PAQR5: variants seen among roughly 807,000 people sequenced by gnomAD.
PAQR5 encodes the protein progestin and adipoQ receptor family member 5.
A neutral mutation model predicts 34.5 loss-of-function variants in PAQR5; 20 were observed. The observed-to-expected ratio is 0.58, with a 90% CI of 0.41 to 0.84. PAQR5 has a LOEUF of 0.84. Ranked by LOEUF, PAQR5 falls within the 40% of genes least tolerant of loss-of-function variation. The pLI is 0.00. For missense variants in PAQR5, 378 were observed against 412.7 expected, an observed-to-expected ratio of 0.92 and a Z score of 0.73; for synonymous variants, 131 against 155.6, an observed-to-expected ratio of 0.84 and a Z score of 1.18.
chr15:69,381,003 G>C (rs2055870271), intron 4 of PAQR5, among the ~76,000 whole-genome samples: 1 of 152,214 alleles, frequency 6.6e-6, no homozygotes, highest in African/African-American at 2.4e-5. Flanking sequence ...GGGGCAGGCT[G>C]TTTGGTTCCA....
intron 8 of PAQR5, among the ~76,000 whole-genome samples, chr15:69,403,291 T>C (rs2056691782): frequency 6.6e-6 from 1 of 152,232 alleles, no homozygotes. Flanking sequence ...ATGTCAAGTA[T>C]ACAATTTAAT....
At chr15:69,386,882 T>C (rs1051285904) in intron 5 of PAQR5, among the ~76,000 whole-genome samples, 2 of 152,158 alleles carry the variant, frequency 1.3e-5, no homozygotes, top group African/African-American at 2.4e-5. Flanking sequence ...TAGCCCTCTG[T>C]ATGTCCAACC....
chr15:69,371,746 T>C (rs2055568928), intron 3 of PAQR5, among the ~76,000 whole-genome samples: 1 of 152,202 alleles, frequency 6.6e-6, no homozygotes, highest in Non-Finnish European at 1.5e-5. Flanking sequence ...AAAAGTCCTA[T>C]ACATATTTAA....
At chr15:69,376,254 C>T (rs925170476) in intron 3 of PAQR5, among the ~76,000 whole-genome samples, 1 of 152,172 alleles carries the variant, frequency 6.6e-6, no homozygotes, top group African/African-American at 2.4e-5. Flanking sequence ...TGAGGCCAAG[C>T]TACGAAGTGT....
At chr15:69,395,574 C>G (rs1248485244) in intron 6 of PAQR5, among the ~76,000 whole-genome samples, 2 of 152,200 alleles carry the variant, frequency 1.3e-5, no homozygotes, top group Non-Finnish European at 2.9e-5. Context: ...TTCATCAAAT[C>G]CATACAACGA....
At chr15:69,396,154 C>T (rs1158778096) in intron 6 of PAQR5, among the ~76,000 whole-genome samples, 1 of 150,982 alleles carries the variant, frequency 6.6e-6, no homozygotes, top group Non-Finnish European at 1.5e-5. Flanking sequence ...TCCCTGCATA[C>T]TCCATGCTGA....
chr15:69,321,573 G>A (rs554282615), intron 1 of PAQR5, among the ~76,000 whole-genome samples: 1 of 152,304 alleles, frequency 6.6e-6, no homozygotes, highest in South Asian at 2.1e-4. Flanking sequence ...CATTTTCCCA[G>A]TTGTCTCCTA....
At chr15:69,343,762 C>G (rs895539823) in intron 2 of PAQR5, among the ~76,000 whole-genome samples, 11 of 152,132 alleles carry the variant, frequency 7.2e-5, no homozygotes, top group African/African-American at 2.7e-4. Flanking sequence ...GGCATGACTT[C>G]CAGCTGATAG....
intron 7 of PAQR5, among the ~76,000 whole-genome samples, chr15:69,399,000 A>T (rs1214607485): frequency 2.0e-5 from 3 of 152,214 alleles, no homozygotes; most frequent in Non-Finnish European, 4.4e-5. Context: ...CTGCCTTATG[A>T]TAATTGTGGC....
In PAQR5 at chr15:69,346,323, T is replaced by TTTTG. The variant is rs1397842208; in HGVS notation, c.-116+8822_-116+8823insTTTG. Reference sequence around the variant, plus strand: ...TTTTTTTTTTTTTTTTTTTTTTTTTTGCGACAGGGTCTCACTCTTTCACTC... The same window carrying TTTTG: ...TTTTTTTTTTTTTTTTTTTTTTTTTTTTTGGCGACAGGGTCTCACTCTTTCACTC... On this transcript the variant is annotated intron_variant, in intron 2 of 8. Transcript: ENST00000395407. Among the ~76,000 whole-genome samples the TTTTG allele has an allele frequency of 1.1e-4, 16 of 146,204 alleles. 1 individual carries two copies. The highest frequency in any genetic ancestry group is 1.5e-4 in the African/African-American group (6 of 39,402).
intron 2 of PAQR5, among the ~76,000 whole-genome samples, chr15:69,342,832 ACT>A (rs1463860235): frequency 1.3e-5 from 2 of 151,954 alleles, no homozygotes; most frequent in Non-Finnish European, 2.9e-5. Flanking sequence ...TTCACCTCTC[ACT>A]CTCTGTTCTT....
chr15:69,383,265 G>T (rs1458994891), intron 4 of PAQR5, among the ~76,000 whole-genome samples: 1 of 149,100 alleles, frequency 6.7e-6, no homozygotes, highest in Non-Finnish European at 1.5e-5. Flanking sequence ...TGGAGGGTGA[G>T]CGGCCCTGCG....
chr15:69,316,430 C>T (rs930324750), intron 1 of PAQR5, among the ~76,000 whole-genome samples: 7 of 152,194 alleles, frequency 4.6e-5, no homozygotes, highest in African/African-American at 1.7e-4. Context: ...AAAAAAAAGC[C>T]TGTGCTTAAT....
Position 69,390,348 on chromosome 15 carries a change from A to ATTTTTTTTT in PAQR5, c.512+571_512+572insTTTTTTTTT, listed in dbSNP as rs67519047. On this transcript the variant is annotated intron_variant, in intron 6 of 8. Transcript: ENST00000395407. ...TATTTATTTATTTATTTATTTATTT[A>ATTTTTTTTT]TTTATTTATTTATTTTTTTGAGACA... 7.2e-5 allele frequency among the ~76,000 whole-genome samples: 9 copies of ATTTTTTTTT among 124,814 alleles called. 1 individual carries two copies. Among genetic ancestry groups the ATTTTTTTTT allele is most frequent in the Non-Finnish European group, 1.2e-4 (7 of 57,080 alleles). 81.9% of individuals were successfully genotyped at this position (124,814 alleles called of 152,430 possible). A position where few individuals can be genotyped will look rare whatever the true frequency, so the allele number is the denominator to read the frequency against.
At chr15:69,368,823 T>C (rs980387032) in intron 3 of PAQR5, among the ~76,000 whole-genome samples, 2 of 152,194 alleles carry the variant, frequency 1.3e-5, no homozygotes, top group South Asian at 4.1e-4. Flanking sequence ...TGGAGTGTCA[T>C]GGTGCAGTCA....
At chr15:69,323,047 G>A (rs2054164892) in intron 1 of PAQR5, among the ~76,000 whole-genome samples, 1 of 139,546 alleles carries the variant, frequency 7.2e-6, no homozygotes, top group Non-Finnish European at 1.5e-5. Flanking sequence ...TAAGGAGTGG[G>A]GTTTTCCAGG....
chr15:69,323,636 T>A (rs79424771), intron 1 of PAQR5, among the ~76,000 whole-genome samples: 1 of 152,302 alleles, frequency 6.6e-6, no homozygotes, highest in East Asian at 1.9e-4. Context: ...TCTAATAGCG[T>A]TGCGTTAAAT....
chr15:69,352,886 C>T (rs2054959781), intron 2 of PAQR5, among the ~76,000 whole-genome samples: 1 of 152,210 alleles, frequency 6.6e-6, no homozygotes, highest in Non-Finnish European at 1.5e-5. Flanking sequence ...ATGGACCTCT[C>T]TGATTGGGCA....
At chr15:69,313,810 G>A (rs911074340) in intron 1 of PAQR5, among the ~76,000 whole-genome samples, 4 of 152,120 alleles carry the variant, frequency 2.6e-5, no homozygotes, top group Non-Finnish European at 4.4e-5. Context: ...AAGAAGGAAA[G>A]GGACAGGAGG....
Sources: gnomAD v4.1 joint callset for allele counts (sites outside exome capture counted in the v4.1 genomes callset) on GRCh38, gnomAD v4.1.1 for gene constraint, MANE v1.5 for transcripts, NCBI Gene and HGNC (gene_info 2026-07-23, HGNC 2026-07-21) for gene names.